The following TCERG1L variants were observed in gnomAD, a reference collection of about 807,000 sequenced individuals.
The protein encoded by TCERG1L is transcription elongation regulator 1-like protein.
TCERG1L carries 37 observed loss-of-function variants against 56.3 expected under a neutral mutation model. The ratio of observed to expected loss-of-function variants is 0.66; its 90% CI spans 0.51 to 0.87. The LOEUF is 0.87. TCERG1L is among the 40% of genes least tolerant of loss of function. The pLI, the probability that TCERG1L is intolerant of heterozygous loss-of-function variation, is 0.00. For missense variants in TCERG1L, 799 were observed against 774.2 expected (o/e 1.03, Z -0.38); for synonymous variants, 324 against 326.3 (o/e 0.99, Z 0.08).
chr10:131,281,952 T>C (rs934059412), intron 3 of TCERG1L, among the ~76,000 whole-genome samples: 3 of 151,708 alleles, frequency 2.0e-5, no homozygotes, highest in African/African-American at 4.8e-5. Flanking sequence ...CTGGCTAACA[T>C]GGTGAAACCC....
chr10:131,256,182 A>G lies in TCERG1L; in HGVS notation c.856+4077T>C, dbSNP rs548531633. ...GGAAACAATTCCTGGATGATTTAAA[A>G]AAAGACCTTATTCCCAAATGTCTGA... On this transcript the variant is annotated intron_variant, in intron 4 of 11. Transcript: ENST00000368642. Among the ~76,000 whole-genome samples the G allele has an allele frequency of 3.9e-5, 6 of 152,384 alleles. No individual in the cohort carries two copies. The East Asian group carries it at 1.2e-3, about 29-fold the overall frequency.
chr10:131,225,862 C>T (rs1002897427), intron 4 of TCERG1L, among the ~76,000 whole-genome samples: 1 of 152,178 alleles, frequency 6.6e-6, no homozygotes, highest in East Asian at 1.9e-4. Flanking sequence ...GTTCAGTCAT[C>T]TTAATGATAT....
At position 131,147,539 on chromosome 10, in the gene TCERG1L, T is replaced by TA. The variant is rs1845812446; in HGVS notation, c.1035-880dup. ...CCCCTAAGTCGTGTCAGGGTGCTAT[T>TA]AGAGATTGAGGCCTGTGCTGGCACC... On this transcript the variant is annotated intron_variant, in intron 6 of 11. Transcript: ENST00000368642. Among the ~76,000 whole-genome samples the TA allele has an allele frequency of 2.0e-5, 3 of 152,208 alleles. No individual in the cohort carries two copies. In the South Asian group the frequency reaches 6.2e-4, roughly 31 times the overall value.
chr10:131,161,769 T>C (rs1362842608), intron 6 of TCERG1L: 3 of 152,248 alleles, frequency 2.0e-5, no homozygotes, highest in Admixed American at 6.5e-5. Context: ...GTCATGCCTA[T>C]GTAGTTACAT....
At chr10:131,309,356 C>T in intron 1 of TCERG1L, 57 bp from the exon 2 acceptor site, 2 of 1,538,388 alleles carry the variant, frequency 1.3e-6, no homozygotes, top group Non-Finnish European at 1.7e-6. Flanking sequence ...CACTCGACTT[C>T]ATGCCAAAAC....
chr10:131,265,213 CCAT>C (rs1399390044), intron 3 of TCERG1L, among the ~76,000 whole-genome samples: 1 of 152,124 alleles, frequency 6.6e-6, no homozygotes, highest in Non-Finnish European at 1.5e-5. Context: ...GTGTTTACCA[CCAT>C]GTGATTTTGT....
At chr10:131,134,757 ACGAGGCCTGGGAATGAG>A (rs1331179399) in intron 7 of TCERG1L, among the ~76,000 whole-genome samples, 2 of 152,068 alleles carry the variant, frequency 1.3e-5, no homozygotes, top group Admixed American at 1.3e-4. Context: ...CAGCCTCAAG[ACGAGGCCTGGGAATGAG>A]CAAATCTATG....
chr10:131,310,804 C>T (rs1257908491), intron 1 of TCERG1L, among the ~76,000 whole-genome samples: 2 of 152,160 alleles, frequency 1.3e-5, no homozygotes, highest in East Asian at 1.9e-4. Flanking sequence ...TAAGCATTGC[C>T]CTGAGTCTAT....
At chr10:131,293,214 T>C (rs1348198433) in intron 3 of TCERG1L, among the ~76,000 whole-genome samples, 3 of 152,170 alleles carry the variant, frequency 2.0e-5, no homozygotes, top group Non-Finnish European at 2.9e-5. Flanking sequence ...TCCCCATGTT[T>C]TCCTTTTTCT....
At chr10:131,151,870 G>T (rs752749661) in intron 6 of TCERG1L, among the ~76,000 whole-genome samples, 5 of 152,162 alleles carry the variant, frequency 3.3e-5, no homozygotes, top group Non-Finnish European at 7.3e-5. Flanking sequence ...CTTGACTTCT[G>T]TGTACCCAGA....
chr10:131,263,533 C>T (rs1846253293), intron 3 of TCERG1L, among the ~76,000 whole-genome samples: 1 of 152,148 alleles, frequency 6.6e-6, no homozygotes, highest in South Asian at 2.1e-4. Context: ...ACATGGCCTT[C>T]AAAAGTCCCA....
Position 131,173,738 on chromosome 10 carries a change from G to A in TCERG1L, c.857-6853C>T, listed in dbSNP as rs1461417075. 3.9e-5 allele frequency among the ~76,000 whole-genome samples: 6 copies of A among 152,360 alleles called. No homozygotes were observed. In the East Asian group the frequency reaches 1.2e-3, roughly 29 times the overall value. On this transcript the variant is annotated intron_variant, in intron 4 of 11. Transcript: ENST00000368642. Reference sequence around the variant, plus strand: ...GCCATGTAGTGCAGGGAAGGTTGGTGGCAGCTGGGAGCAGAGAGGCACGGC... The same window carrying A: ...GCCATGTAGTGCAGGGAAGGTTGGTAGCAGCTGGGAGCAGAGAGGCACGGC...
Position 131,232,680 on chromosome 10 carries a change from G to A in TCERG1L, c.856+27579C>T, listed in dbSNP as rs1294745593. Among the ~76,000 whole-genome samples, 3 of 152,220 alleles carry A rather than the reference G, an allele frequency of 2.0e-5. No homozygotes were observed. The East Asian group carries it at 5.8e-4, about 29-fold the overall frequency. On this transcript the variant is annotated intron_variant, in intron 4 of 11. Coordinates refer to ENST00000368642, the MANE Select transcript of TCERG1L (RefSeq NM_174937.4). ...CGTTCCAACAGTGCGGACAGCTCAA[G>A]TAGTATTTGGGATTGAGAGCCCTTT...
chr10:131,258,500 C>T (rs776756089), intron 4 of TCERG1L, among the ~76,000 whole-genome samples: 5 of 152,188 alleles, frequency 3.3e-5, no homozygotes, highest in Admixed American at 1.3e-4. Context: ...GGTTGGGCCA[C>T]GCTGCTCACA....
intron 4 of TCERG1L, among the ~76,000 whole-genome samples, chr10:131,177,899 C>T (rs7897107): frequency 4.2e-4 from 63 of 151,160 alleles, no homozygotes; most frequent in Non-Finnish European, 7.5e-4. Flanking sequence ...TCGCACTGCA[C>T]ACAGGAGCCG....
At chr10:131,285,105 C>A (rs985940362) in intron 3 of TCERG1L, among the ~76,000 whole-genome samples, 1 of 152,138 alleles carries the variant, frequency 6.6e-6, no homozygotes, top group Non-Finnish European at 1.5e-5. Flanking sequence ...CAGCCAGTCG[C>A]AGTGGCTCAC....
At chr10:131,308,750 C>T (rs1288140045) in intron 2 of TCERG1L, among the ~76,000 whole-genome samples, 5 of 152,146 alleles carry the variant, frequency 3.3e-5, no homozygotes, top group African/African-American at 1.2e-4. Context: ...TAAATTTGAA[C>T]CCGAAAGCCA....
intron 3 of TCERG1L, among the ~76,000 whole-genome samples, chr10:131,271,021 G>A (rs1846334655): frequency 6.6e-6 from 1 of 152,180 alleles, no homozygotes; most frequent in African/African-American, 2.4e-5. Flanking sequence ...GTGCACTGAG[G>A]CATTTGGCTG....
chr10:131,174,022 G>A (rs955248658), intron 4 of TCERG1L, among the ~76,000 whole-genome samples: 9 of 152,202 alleles, frequency 5.9e-5, no homozygotes, highest in African/African-American at 1.2e-4. Flanking sequence ...GACTGCTACC[G>A]GAGGGGATGG....
Sources: gnomAD v4.1 joint callset for allele counts (sites outside exome capture counted in the v4.1 genomes callset) on GRCh38, gnomAD v4.1.1 for gene constraint, MANE v1.5 for transcripts, NCBI Gene and HGNC (gene_info 2026-07-23, HGNC 2026-07-21) for gene names.